Variants in KCNMA1 observed in about 807,000 individuals in gnomAD.
KCNMA1 encodes the protein potassium calcium-activated channel subfamily M alpha 1.
A neutral mutation model predicts 140.0 loss-of-function variants in KCNMA1; 29 were observed. The observed-to-expected ratio is 0.21, with a 90% CI of 0.15 to 0.28. The LOEUF (loss-of-function observed/expected upper bound fraction) is 0.28. KCNMA1 is among the 10% of genes least tolerant of loss of function. KCNMA1 has a pLI of 1.00. For synonymous variants in KCNMA1, 612 were observed against 611.9 expected (o/e 1.00, Z 0.00); for missense variants, 880 against 1,602.2 (o/e 0.55, Z 7.70).
intron 2 of KCNMA1, among the ~76,000 whole-genome samples, chr10:77,279,790 C>T (rs886756368): frequency 3.9e-5 from 6 of 152,106 alleles, no homozygotes; most frequent in Non-Finnish European, 8.8e-5. Flanking sequence ...GAATAAGTCT[C>T]ATGAGATCTG....
At chr10:77,273,321 C>A (rs1468698081) in intron 2 of KCNMA1, among the ~76,000 whole-genome samples, 1 of 151,968 alleles carries the variant, frequency 6.6e-6, no homozygotes, top group African/African-American at 2.4e-5. Context: ...AAGCTGAGTT[C>A]TTGAGTGATT....
chr10:77,036,218 G>C (rs2094319943), intron 15 of KCNMA1, among the ~76,000 whole-genome samples: 1 of 152,200 alleles, frequency 6.6e-6, no homozygotes, highest in South Asian at 2.1e-4. Flanking sequence ...AGGGGCTCTT[G>C]GGCCTTTGGC....
Position 76,885,067 on chromosome 10 carries a change from T to C in KCNMA1, c.*2199A>G. On this transcript the variant is annotated 3_prime_UTR_variant, in exon 28 of 28. Transcript: ENST00000286628. ...TGAGTTTTACAATGCTTTTAAACTG[T>C]CATATTTCCTGTTGAGCACTTTAAC... 1 of 1,545,502 alleles carries C rather than the reference T, an allele frequency of 6.5e-7. No individual in the cohort carries two copies. The highest frequency in any genetic ancestry group is 8.7e-7 in the Non-Finnish European group (1 of 1,144,946).
chr10:77,184,120 C>T (rs558817969), intron 4 of KCNMA1, among the ~76,000 whole-genome samples: 2 of 152,036 alleles, frequency 1.3e-5, no homozygotes, highest in African/African-American at 4.8e-5. Context: ...TCCTCACCTT[C>T]CTTTCATTCA....
At chr10:77,161,384 AC>A (rs1202037759) in intron 5 of KCNMA1, among the ~76,000 whole-genome samples, 5 of 151,496 alleles carry the variant, frequency 3.3e-5, no homozygotes, top group African/African-American at 1.2e-4. Flanking sequence ...AGTAGTTAGG[AC>A]TACAGGCATA....
intron 1 of KCNMA1, among the ~76,000 whole-genome samples, chr10:77,478,120 A>C (rs1016378981): frequency 6.6e-6 from 1 of 152,130 alleles, no homozygotes; most frequent in Non-Finnish European, 1.5e-5. Flanking sequence ...TATGAGCTTT[A>C]TGCTCTATGA....
chr10:76,898,788 C>A (rs2043754897), intron 25 of KCNMA1, among the ~76,000 whole-genome samples: 1 of 150,928 alleles, frequency 6.6e-6, no homozygotes. Context: ...AAATTCAGAG[C>A]CTTTAATGCT....
chr10:76,969,487 T>C (rs1340392794), intron 20 of KCNMA1, among the ~76,000 whole-genome samples: 3 of 152,248 alleles, frequency 2.0e-5, no homozygotes, highest in Non-Finnish European at 4.4e-5. Flanking sequence ...GAAATTTGAT[T>C]TCAATCGACA....
At chr10:77,599,938 T>C (rs887139672) in intron 1 of KCNMA1, among the ~76,000 whole-genome samples, 2 of 152,176 alleles carry the variant, frequency 1.3e-5, no homozygotes, top group African/African-American at 4.8e-5. Context: ...ACCTCCATCC[T>C]GAACTCTCAC....
At chr10:76,966,569 G>A (rs2074011029) in intron 20 of KCNMA1, among the ~76,000 whole-genome samples, 1 of 152,078 alleles carries the variant, frequency 6.6e-6, no homozygotes, top group African/African-American at 2.4e-5. Context: ...GACAAACTTT[G>A]TGCCCCCCTA....
intron 25 of KCNMA1, chr10:76,903,908 C>A (rs1220795624): frequency 6.6e-6 from 1 of 152,150 alleles, no homozygotes; most frequent in Non-Finnish European, 1.5e-5. Context: ...GGAATCATAT[C>A]TTCTGGGTAC....
chr10:77,176,320 G>A (rs920863660), intron 5 of KCNMA1, among the ~76,000 whole-genome samples: 8 of 152,208 alleles, frequency 5.3e-5, no homozygotes, highest in Non-Finnish European at 1.2e-4. Context: ...GGGCTACTAG[G>A]TGGAGGTTAT....
chr10:77,219,980 C>T (rs502708), intron 3 of KCNMA1, among the ~76,000 whole-genome samples: 133,600 of 152,240 alleles, frequency 0.88, 58,952 homozygotes, highest in East Asian at 0.98. Flanking sequence ...AGCTCCATTC[C>T]ACAAGTGGAG....
chr10:77,348,225 T>C (rs1205520731), intron 2 of KCNMA1, among the ~76,000 whole-genome samples: 1 of 152,148 alleles, frequency 6.6e-6, no homozygotes, highest in Non-Finnish European at 1.5e-5. Flanking sequence ...TTCCTGAGCT[T>C]TGAGGGGCAA....
chr10:77,046,291 C>T (rs1166546243), intron 14 of KCNMA1, among the ~76,000 whole-genome samples: 2 of 152,006 alleles, frequency 1.3e-5, no homozygotes, highest in Non-Finnish European at 2.9e-5. Context: ...TGTCACTGTC[C>T]TTTATAATAA....
intron 23 of KCNMA1, among the ~76,000 whole-genome samples, chr10:76,943,293 C>G (rs575980652): frequency 6.6e-6 from 1 of 152,194 alleles, no homozygotes; most frequent in Non-Finnish European, 1.5e-5. Flanking sequence ...CACAGCTGAG[C>G]AGGTGGATAC....
intron 2 of KCNMA1, among the ~76,000 whole-genome samples, chr10:77,308,989 C>A (rs1394639209): frequency 6.6e-6 from 1 of 152,222 alleles, no homozygotes; most frequent in Non-Finnish European, 1.5e-5. Flanking sequence ...GCTTCTCTAT[C>A]CTTCACTGTT....
At chr10:77,406,545 C>G (rs539215185) in intron 1 of KCNMA1, among the ~76,000 whole-genome samples, 1 of 152,154 alleles carries the variant, frequency 6.6e-6, no homozygotes, top group Non-Finnish European at 1.5e-5. Flanking sequence ...TACATTCGAA[C>G]CAAGATGTCA....
intron 15 of KCNMA1, among the ~76,000 whole-genome samples, chr10:77,033,059 AC>A (rs1426780675): frequency 6.6e-6 from 1 of 151,970 alleles, no homozygotes; most frequent in African/African-American, 2.4e-5. Flanking sequence ...ACCCAACCCC[AC>A]CCAAAGCACC....
Sources: gnomAD v4.1 joint callset for allele counts (sites outside exome capture counted in the v4.1 genomes callset) on GRCh38, gnomAD v4.1.1 for gene constraint, MANE v1.5 for transcripts, NCBI Gene and HGNC (gene_info 2026-07-23, HGNC 2026-07-21) for gene names.